PEX5: variants seen among roughly 807,000 people sequenced by gnomAD.
PEX5 encodes PTS1 receptor.
A neutral mutation model predicts 82.9 loss-of-function variants in PEX5; 52 were observed. The ratio of observed to expected loss-of-function variants is 0.63; its 90% CI spans 0.50 to 0.79. PEX5 has a LOEUF of 0.79. Among genes scored for constraint, PEX5 ranks in the 30% least tolerant of loss-of-function variants. The pLI is 0.00. For missense variants in PEX5, 719 were observed against 815.2 expected (o/e 0.88, Z 1.44); for synonymous variants, 300 against 318.8 (o/e 0.94, Z 0.63).
chr12:7,202,116 G>A, intron 7 of PEX5, 125 bp from the exon 8 acceptor site: 2 of 1,454,754 alleles, frequency 1.4e-6, no homozygotes, highest in East Asian at 4.5e-5. Context: ...AGGGTCTTTA[G>A]CATATCTTGT....
At chr12:7,191,456 A>G in intron 4 of PEX5, 98 bp downstream of exon 4, 1 of 1,597,768 alleles carries the variant, frequency 6.3e-7, no homozygotes, top group Non-Finnish European at 8.6e-7. Flanking sequence ...GGGACCTGAG[A>G]TGCAGAAGGA....
chr12:7,189,899 C>A, intron 1 of PEX5, 149 bp downstream of exon 1: 1 of 1,415,046 alleles, frequency 7.1e-7, no homozygotes, highest in South Asian at 1.6e-5. Context: ...CCGGGCCGAG[C>A]CGGGGGAAGG....
rs145760932 is a variant in PEX5 at position 7,210,243 on chromosome 12, G to C, written c.*20G>C. On this transcript the variant is annotated 3_prime_UTR_variant, in exon 16 of 16. Coordinates refer to ENST00000675855, the MANE Select transcript of PEX5 (RefSeq NM_001351132.2). Reference sequence around the variant, plus strand: ...CAGTGACAGTGGGACGGGCTGCCCTGTGAGTGTCCACCTGGAGGGATCCCC... The same window carrying C: ...CAGTGACAGTGGGACGGGCTGCCCTCTGAGTGTCCACCTGGAGGGATCCCC... 1,563 of 1,609,964 alleles carry C rather than the reference G, an allele frequency of 9.7e-4. 9 individuals carry two copies. The African/African-American group carries it at 0.017, about 17-fold the overall frequency.
At chr12:7,199,161 G>A in intron 6 of PEX5, 48 bp downstream of exon 6, 1 of 926,404 alleles carries the variant, frequency 1.1e-6, no homozygotes, top group Non-Finnish European at 1.7e-6. Context: ...AGTATGGACA[G>A]TTTTCCCAGC....
downstream of PEX5, among the ~76,000 whole-genome samples, chr12:7,215,424 A>C (rs1945749739): frequency 6.6e-6 from 1 of 152,220 alleles, no homozygotes; most frequent in African/African-American, 2.4e-5. Flanking sequence ...ATCACTACCC[A>C]AAAGACACAT....
At chr12:7,201,408 AAT>A (rs928225086) in intron 6 of PEX5, among the ~76,000 whole-genome samples, 1 of 151,940 alleles carries the variant, frequency 6.6e-6, no homozygotes, top group Non-Finnish European at 1.5e-5. Flanking sequence ...TATATAGGTA[AAT>A]ATATATATAT....
intron 5 of PEX5, among the ~76,000 whole-genome samples, chr12:7,192,381 C>T (rs1223310313): frequency 6.6e-6 from 1 of 152,184 alleles, no homozygotes; most frequent in Non-Finnish European, 1.5e-5. Context: ...GTGGCCTTAA[C>T]TGTGATGCTA....
At chr12:7,198,916 T>C in intron 5 of PEX5, 95 bp from the exon 6 acceptor site, 1 of 700,556 alleles carries the variant, frequency 1.4e-6, no homozygotes, top group Non-Finnish European at 2.6e-6. Flanking sequence ...TTGGTGTGGC[T>C]AAGAGGGTCA....
At chr12:7,198,325 C>T (rs183469711) in intron 5 of PEX5, among the ~76,000 whole-genome samples, 7 of 152,166 alleles carry the variant, frequency 4.6e-5, no homozygotes, top group African/African-American at 7.2e-5. Flanking sequence ...TATCTTGATC[C>T]GGGTGGTGGT....
Position 7,203,332 on chromosome 12 carries a change from A to C in PEX5, c.847-100A>C, listed in dbSNP as rs190764774. 80 of 1,344,778 alleles carry C rather than the reference A, an allele frequency of 5.9e-5. No homozygotes were observed. In the Middle Eastern group the frequency reaches 1.3e-3, roughly 22 times the overall value. 83.3% of individuals were successfully genotyped at this position (1,344,778 alleles called of 1,614,324 possible). A position where few individuals can be genotyped will look rare whatever the true frequency, so the allele number is the denominator to read the frequency against. The stretch of plus-strand genomic sequence containing the variant: ...TCAGATGATTCTTAAACATATTGAA[A>C]TTCAAGAACTGCTGCCTTAGAGAAT... On this transcript the variant is annotated intron_variant, in intron 9 of 15. Coordinates refer to ENST00000675855, the MANE Select transcript of PEX5 (RefSeq NM_001351132.2).
At chr12:7,214,809 A>G (rs1028739300), downstream of PEX5, among the ~76,000 whole-genome samples, 5 of 152,100 alleles carry the variant, frequency 3.3e-5, no homozygotes, top group East Asian at 3.8e-4. Context: ...AGATGTTGAA[A>G]CTAATTTCTT....
intron 3 of PEX5, 34 bp from the exon 4 acceptor site, chr12:7,191,192 C>T: frequency 1.2e-6 from 2 of 1,614,084 alleles, no homozygotes; most frequent in Non-Finnish European, 1.7e-6. Flanking sequence ...CCTCCCAAGC[C>T]TATGGGTTCA....
At chr12:7,214,379 C>T (rs1244504683), downstream of PEX5, among the ~76,000 whole-genome samples, 1 of 151,916 alleles carries the variant, frequency 6.6e-6, no homozygotes, top group Non-Finnish European at 1.5e-5. Context: ...CCATGGAATA[C>T]TATGCAGCCG....
chr12:7,198,116 T>G (rs1943095863), intron 5 of PEX5, among the ~76,000 whole-genome samples: 1 of 152,112 alleles, frequency 6.6e-6, no homozygotes, highest in Non-Finnish European at 1.5e-5. Context: ...AGCACCCTCA[T>G]TGAGTTTGTT....
chr12:7,208,447 G>T lies in PEX5; in HGVS notation c.1182-10G>T. 1 of 1,609,414 alleles carries T rather than the reference G, an allele frequency of 6.2e-7. No homozygotes were observed. The highest frequency in any genetic ancestry group is 1.1e-5 in the South Asian group (1 of 90,852). ...GCAGATATCAAGTCTGCCCATCCCT[G>T]ATCAAACAGGTGTCTGGAGCTAAAG... is the stretch of plus-strand genomic sequence containing the variant. On this transcript the variant is annotated splice_polypyrimidine_tract_variant and intron_variant, in intron 12 of 15. Coordinates refer to ENST00000675855, the MANE Select transcript of PEX5 (RefSeq NM_001351132.2).
rs376612398 is a variant in PEX5 at position 7,209,811 on chromosome 12, C to T, written c.1689C>T (p.Gly563=). The T allele has an allele frequency of 7.4e-6, 12 of 1,614,078 alleles. No individual in the cohort carries two copies. In the African/African-American group the frequency reaches 1.5e-4, roughly 20 times the overall value. The part of the protein sequence containing the change: ...PGYIRSRYNL[G]ISCINLGAHR... ...ATATCCGGTCCCGCTATAACCTGGGCATCAGCTGCATCAACCTCGGGGCTC... is the reference window on the plus strand; with the variant it reads ...ATATCCGGTCCCGCTATAACCTGGGTATCAGCTGCATCAACCTCGGGGCTC... The change falls in exon 15 of 16, where the codon GGC becomes GGT. Residue 563 remains glycine (G), a synonymous_variant. Transcript: ENST00000675855.
chr12:7,190,327 G>C, intron 1 of PEX5, 35 bp from the exon 2 acceptor site: 1 of 1,610,224 alleles, frequency 6.2e-7, no homozygotes, highest in South Asian at 1.1e-5. Flanking sequence ...GGTCTGGCTT[G>C]GGTACCTCAG....
At position 7,203,558 on chromosome 12, in the gene PEX5, T is replaced by TA. The variant is rs1309535039; in HGVS notation, c.966+12dup. Reference sequence around the variant, plus strand: ...GTCAGCTACCTATGATAAGGTGAGGTAAAAACTCTTAGTTTTTCAGGTTCC... The same window carrying TA: ...GTCAGCTACCTATGATAAGGTGAGGTAAAAAACTCTTAGTTTTTCAGGTTCC... On this transcript the variant is annotated splice_region_variant and intron_variant, in intron 10 of 15. Transcript: ENST00000675855. 1.9e-6 allele frequency: 3 copies of TA among 1,612,756 alleles called. No individual in the cohort carries two copies. The highest frequency in any genetic ancestry group is 2.5e-6 in the Non-Finnish European group (3 of 1,179,560).
chr12:7,211,340 C>CA lies in PEX5; in HGVS notation c.*1118dup, dbSNP rs1945544919. 1 of 137,610 alleles carries CA rather than the reference C, an allele frequency of 7.3e-6. No individual in the cohort carries two copies. Among genetic ancestry groups the CA allele is most frequent in the Non-Finnish European group, 1.6e-5 (1 of 63,650 alleles). The allele number at this position is 137,610 out of a possible 1,614,324, so 8.5% of individuals were successfully genotyped here. On this transcript the variant is annotated 3_prime_UTR_variant, in exon 16 of 16. Transcript: ENST00000675855. ...TGCCTTGTCTTTAGTAGCTAATGAT[C>CA]AGAGAGATTTTTTTTTTAAACTACC... is the stretch of plus-strand genomic sequence containing the variant.
Sources: allele counts gnomAD v4.1 joint callset (sites outside exome capture counted in the v4.1 genomes callset), GRCh38; gene constraint gnomAD v4.1.1; transcripts MANE v1.5; gene names NCBI Gene and HGNC (gene_info 2026-07-23, HGNC 2026-07-21).